The following ANAPC4 variants were observed in gnomAD, a reference collection of about 807,000 sequenced individuals.
ANAPC4 encodes anaphase promoting complex subunit 4, also known as anaphase-promoting complex subunit 4.
A neutral mutation model predicts 119.8 loss-of-function variants in ANAPC4; 63 were observed. That is an observed-to-expected ratio of 0.53 (90% CI 0.43 to 0.65). ANAPC4 has a LOEUF of 0.65. Among genes scored for constraint, ANAPC4 ranks in the 30% least tolerant of loss-of-function variants. ANAPC4 has a pLI of 0.00. For synonymous variants in ANAPC4, 283 were observed against 318.6 expected (o/e 0.89, Z 1.19); for missense variants, 716 against 945.1 (o/e 0.76, Z 3.18).
intron 22 of ANAPC4, 72 bp from the exon 23 acceptor site, chr4:25,414,252 C>CAGT: frequency 1.9e-6 from 2 of 1,077,992 alleles, no homozygotes; most frequent in East Asian, 5.4e-5. Flanking sequence ...CAGTGATGGT[C>CAGT]AGTCACTTTC....
At chr4:25,401,850 C>T (rs1300163816) in intron 16 of ANAPC4, among the ~76,000 whole-genome samples, 2 of 152,118 alleles carry the variant, frequency 1.3e-5, no homozygotes, top group East Asian at 1.9e-4. Context: ...AAAAAAAACA[C>T]GAAGAGAAAT....
chr4:25,414,840 CATTAAAAGGGTAACACTGA>C, intron 25 of ANAPC4, 140 bp downstream of exon 25: 1 of 792,256 alleles, frequency 1.3e-6, no homozygotes, highest in South Asian at 3.3e-5. Context: ...GTTTTCATGT[CATTAAAAGGGTAACACTGA>C]ATTAGGAAGT....
intron 10 of ANAPC4, 43 bp downstream of exon 10, chr4:25,392,464 C>A: frequency 6.7e-7 from 1 of 1,489,512 alleles, no homozygotes; most frequent in Non-Finnish European, 9.3e-7. Flanking sequence ...TTATTATCGG[C>A]TTCTAAAGTT....
Position 25,407,194 on chromosome 4 carries a change from C to T in ANAPC4, c.1375-3C>T, listed in dbSNP as rs901633370. The T allele has an allele frequency of 1.9e-6, 3 of 1,596,940 alleles. No homozygotes were observed. On this transcript the variant is annotated splice_region_variant and splice_polypyrimidine_tract_variant and intron_variant, in intron 19 of 28. Coordinates refer to ENST00000315368, the MANE Select transcript of ANAPC4 (RefSeq NM_013367.3). Reference sequence around the variant, plus strand: ...GAATTAAACTATGTTTATTTTTTTCCAGGCTCCAGACCTTTATAATCGAAA... The same window carrying T: ...GAATTAAACTATGTTTATTTTTTTCTAGGCTCCAGACCTTTATAATCGAAA...
At chr4:25,408,931 G>C (rs1261607935) in intron 20 of ANAPC4, among the ~76,000 whole-genome samples, 1 of 152,166 alleles carries the variant, frequency 6.6e-6, no homozygotes, top group African/African-American at 2.4e-5. Context: ...TGAAAATAAA[G>C]TTAATAATTT....
At position 25,418,239 on chromosome 4, in the gene ANAPC4, G is replaced by C. The variant is rs1019400309; in HGVS notation, c.2284G>C (p.Glu762Gln). The part of the protein sequence containing the change: ...WELDESSDEE[E>Q]EASNKPVKIK... ...GCTCGATGAGTCTTCAGATGAAGAG[G>C]AGGAGGCCAGTAATAAGCCTGTAAA... is the stretch of plus-strand genomic sequence containing the variant. The change falls in exon 29 of 29, where the codon GAG becomes CAG. Residue 762 changes from glutamate to glutamine, a missense_variant. This residue lies in a region of ANAPC4 where 504 missense variants were observed against 615.8 expected (regional missense o/e 0.82). Coordinates refer to ENST00000315368, the MANE Select transcript of ANAPC4 (RefSeq NM_013367.3). The C allele has an allele frequency of 3.7e-6, 6 of 1,614,102 alleles. No homozygotes were observed. The highest frequency in any genetic ancestry group is 1.1e-5 in the South Asian group (1 of 91,086).
intron 17 of ANAPC4, among the ~76,000 whole-genome samples, chr4:25,403,391 G>T (rs1013830896): frequency 2.0e-5 from 3 of 148,526 alleles, no homozygotes; most frequent in Non-Finnish European, 2.9e-5. Context: ...ATTCCTCACA[G>T]AACTGTTAAA....
intron 5 of ANAPC4, 42 bp downstream of exon 5, chr4:25,388,616 CTCTT>C (rs971468219): frequency 1.1e-5 from 17 of 1,563,766 alleles, no homozygotes; most frequent in Middle Eastern, 3.4e-4. Context: ...TTGCAGATTT[CTCTT>C]TCTTCTGCTT....
At position 25,392,529 on chromosome 4, in the gene ANAPC4, A is replaced by G. The variant is rs903062814; in HGVS notation, c.789+108A>G. On this transcript the variant is annotated intron_variant, in intron 10 of 28. Coordinates refer to ENST00000315368, the MANE Select transcript of ANAPC4 (RefSeq NM_013367.3). ...TTGTAAAGCTTTCTGAAGTAGAGGT[A>G]TCTAGTCTGATAGATGATCTTATAA... The G allele has an allele frequency of 1.7e-5, 13 of 764,160 alleles. No individual in the cohort carries two copies. The Admixed American group carries it at 2.9e-4, about 17-fold the overall frequency. 47.3% of individuals were successfully genotyped at this position (764,160 alleles called of 1,614,324 possible).
intron 19 of ANAPC4, 137 bp from the exon 20 acceptor site, chr4:25,407,060 G>C (rs1723290168): frequency 1.1e-6 from 1 of 902,952 alleles, no homozygotes; most frequent in African/African-American, 1.7e-5. Context: ...ACTTTTGTTT[G>C]TGTGTCTTAT....
chr4:25,413,930 CGTGTGTGT>C (rs72141989), intron 22 of ANAPC4, 188 bp downstream of exon 22: 30 of 511,404 alleles, frequency 5.9e-5, no homozygotes, highest in Non-Finnish European at 8.2e-5. Flanking sequence ...TTCTTACACA[CGTGTGTGT>C]GTGTGTGTGT....
rs781057647 is a variant in ANAPC4, at chr4:25,394,869, C to G, written c.1025C>G (p.Ser342Cys). The change falls in exon 14 of 29, where the codon TCC becomes TGC. Residue 342 changes from serine (S) to cysteine (C), a missense_variant. Physicochemically the swap from Ser to Cys is moderately radical, Grantham distance 112 (BLOSUM62 -1). Transcript: ENST00000315368. ...GGCCAGTCTATAGAGTCATCATACT[C>G]CAGTATACAAAAATTGGTCATAAGT... ...KLGQSIESSY[S>C]SIQKLVISHL... is the part of the protein sequence containing the mutation. The G allele has an allele frequency of 6.2e-7, 1 of 1,612,734 alleles. No homozygotes were observed. The highest frequency in any genetic ancestry group is 1.7e-5 in the Admixed American group (1 of 59,790).
At chr4:25,403,486 T>A (rs1304581474) in intron 17 of ANAPC4, among the ~76,000 whole-genome samples, 1 of 152,188 alleles carries the variant, frequency 6.6e-6, no homozygotes, top group Non-Finnish European at 1.5e-5. Context: ...AAAATAACAT[T>A]TTAAAAAATT....
intron 28 of ANAPC4, 98 bp from the exon 29 acceptor site, chr4:25,418,046 ATATAACTTTCC>A (rs1157902028): frequency 2.7e-6 from 3 of 1,096,532 alleles, no homozygotes; most frequent in Non-Finnish European, 3.9e-6. Context: ...ATTGATGGGA[ATATAACTTTCC>A]TATAAAACCA....
rs1723801802 is a variant in ANAPC4 at position 25,415,380 on chromosome 4, G to A, written c.1827-86G>A. The A allele has an allele frequency of 3.9e-6, 4 of 1,035,944 alleles. No homozygotes were observed. The South Asian group carries it at 6.0e-5, about 15-fold the overall frequency. 64.2% of individuals were successfully genotyped at this position (1,035,944 alleles called of 1,614,324 possible). On this transcript the variant is annotated intron_variant, in intron 25 of 28. Transcript: ENST00000315368. ...CTAAAGAAGTACATGTACTGACCCT[G>A]ACAATCATGTTCTTTTAAGCCTTTA...
intron 4 of ANAPC4, among the ~76,000 whole-genome samples, chr4:25,386,696 C>G (rs1177065307): frequency 1.3e-5 from 2 of 152,172 alleles, no homozygotes; most frequent in African/African-American, 4.8e-5. Flanking sequence ...GGAAAAAGGA[C>G]TCCAATAGAC....
chr4:25,377,355 G>A lies in ANAPC4; in HGVS notation c.-11+11G>A, dbSNP rs534639030. ...TGGGGACTCTTGCAGGTACAGGCGC[G>A]GTCGGGGCTCCTCGTGGAGAGCCGG... is the stretch of plus-strand genomic sequence containing the variant. On this transcript the variant is annotated intron_variant, in intron 1 of 28. Transcript: ENST00000315368. 4.1e-3 allele frequency: 6,546 copies of A among 1,585,262 alleles called. 24 individuals are homozygous for A. The highest frequency in any genetic ancestry group is 4.6e-3 in the Non-Finnish European group (5,390 of 1,165,868).
intron 20 of ANAPC4, 105 bp from the exon 21 acceptor site, chr4:25,409,593 C>T: frequency 1.3e-6 from 1 of 778,962 alleles, no homozygotes; most frequent in Non-Finnish European, 2.1e-6. Flanking sequence ...GGCCCTAAGT[C>T]TTTGATTTAC....
At chr4:25,392,983 T>G (rs1249747583) in intron 10 of ANAPC4, among the ~76,000 whole-genome samples, 1 of 152,170 alleles carries the variant, frequency 6.6e-6, no homozygotes, top group Non-Finnish European at 1.5e-5. Context: ...ACAAAGACTT[T>G]TGAGGCCCTG....
Sources: allele counts gnomAD v4.1 joint callset (sites outside exome capture counted in the v4.1 genomes callset), GRCh38; gene constraint gnomAD v4.1.1; regional missense constraint gnomAD v4.1.1; transcripts MANE v1.5; gene names NCBI Gene and HGNC (gene_info 2026-07-23, HGNC 2026-07-21).